Variants in C1orf74 observed in about 807,000 individuals in gnomAD.
The protein encoded by C1orf74 is chromosome 1 open reading frame 74, also known as UPF0739 protein C1orf74.
Under a neutral mutation model 7.3 loss-of-function variants are expected in C1orf74, and 5 were observed. The ratio of observed to expected loss-of-function variants is 0.68; its 90% CI spans 0.36 to 1.44. The LOEUF (loss-of-function observed/expected upper bound fraction) is 1.44, where lower values mean the gene tolerates loss of function less well. C1orf74 is among the 40% of genes most tolerant of loss of function. The pLI is 0.04. For missense variants in C1orf74, 291 were observed against 314.3 expected (o/e 0.93, Z 0.56); for synonymous variants, 121 against 132.5 (o/e 0.91, Z 0.59).
Position 209,782,932 on chromosome 1 carries a change from G to C in C1orf74, c.703C>G (p.Leu235Val). 2 of 1,614,176 alleles carry C rather than the reference G, an allele frequency of 1.2e-6. No homozygotes were observed. The highest frequency in any genetic ancestry group is 1.7e-6 in the Non-Finnish European group (2 of 1,180,022). The change falls in exon 2 of 2, where the codon CTA becomes GTA. Residue 235 changes from leucine to valine, a missense_variant. Physicochemically the swap from Leu to Val is conservative, Grantham distance 32 (BLOSUM62 1). Coordinates refer to ENST00000294811, the MANE Select transcript of C1orf74 (RefSeq NM_152485.4). Reference protein sequence around the residue: ...ESLFPGLRDILNTWEKDLRTR... With the variant: ...ESLFPGLRDIVNTWEKDLRTR... Reference sequence around the variant, plus strand: ...CTGAGGTCCTTCTCCCAGGTGTTTAGAATGTCCCTCAGGCCTGGGAACAAA... The same window carrying C: ...CTGAGGTCCTTCTCCCAGGTGTTTACAATGTCCCTCAGGCCTGGGAACAAA...
At position 209,780,567 on chromosome 1, in the gene C1orf74, G is replaced by A; in HGVS notation, c.*2258C>T. ...AAGACTGGGATCTCAGAGACCAGCT[G>A]CAAAAGAAGACTTTGCAGCTCCAGG... On this transcript the variant is annotated 3_prime_UTR_variant, in exon 2 of 2. Transcript: ENST00000294811. 6.2e-7 allele frequency: 1 copy of A among 1,600,130 alleles called. No individual in the cohort carries two copies. The highest frequency in any genetic ancestry group is 8.5e-7 in the Non-Finnish European group (1 of 1,172,492).
rs1175442009 is a variant in C1orf74, at chr1:209,782,210, A to G, written c.*615T>C. On this transcript the variant is annotated 3_prime_UTR_variant, in exon 2 of 2. Transcript: ENST00000294811. The stretch of plus-strand genomic sequence containing the variant: ...GCAAGCAACTCAGCGAAAAACTCAG[A>G]AGGTTTGGGTACATTACAGCTTGGG... The G allele has an allele frequency of 2.2e-6, 3 of 1,369,584 alleles. No homozygotes were observed. The African/African-American group carries it at 4.3e-5, about 19-fold the overall frequency. The allele number at this position is 1,369,584 out of a possible 1,614,324, so 84.8% of individuals were successfully genotyped here. A position where few individuals can be genotyped will look rare whatever the true frequency, so the allele number is the denominator to read the frequency against.
chr1:209,781,771 CAAAG>C lies in C1orf74; in HGVS notation c.*1050_*1053del. ...AAGGACACAAAAGTACTGGGGAATACAAAGAAAGAATATAATTTTGCTGGGTTAT... is the reference window on the plus strand; with the variant it reads ...AAGGACACAAAAGTACTGGGGAATACAAAGAATATAATTTTGCTGGGTTAT... On this transcript the variant is annotated 3_prime_UTR_variant, in exon 2 of 2. Transcript: ENST00000294811. 2.0e-6 allele frequency: 1 copy of C among 494,498 alleles called. No homozygotes were observed. Among genetic ancestry groups the C allele is most frequent in the East Asian group, 3.5e-5 (1 of 28,536 alleles). 30.6% of individuals were successfully genotyped at this position (494,498 alleles called of 1,614,324 possible). A position where few individuals can be genotyped will look rare whatever the true frequency, so the allele number is the denominator to read the frequency against.
In C1orf74 at chr1:209,780,780, C is replaced by A. The variant is rs1267161173; in HGVS notation, c.*2045G>T. Reference sequence around the variant, plus strand: ...GGCTGACTTGTCAATCTTTTCCCTTCCTTATTTATACCAACTCCTATTCAA... The same window carrying A: ...GGCTGACTTGTCAATCTTTTCCCTTACTTATTTATACCAACTCCTATTCAA... On this transcript the variant is annotated 3_prime_UTR_variant, in exon 2 of 2. Coordinates refer to ENST00000294811, the MANE Select transcript of C1orf74 (RefSeq NM_152485.4). 4.2e-6 allele frequency: 2 copies of A among 481,650 alleles called. No individual in the cohort carries two copies. Among genetic ancestry groups the A allele is most frequent in the African/African-American group, 2.0e-5 (1 of 49,812 alleles). The allele number at this position is 481,650 out of a possible 1,614,324, so 29.8% of individuals were successfully genotyped here.
In C1orf74 at chr1:209,782,805, A is replaced by G. The variant is rs778281874; in HGVS notation, c.*20T>C. 12 of 1,607,280 alleles carry G rather than the reference A, an allele frequency of 7.5e-6. No individual in the cohort carries two copies. The highest frequency in any genetic ancestry group is 1.0e-5 in the Non-Finnish European group (12 of 1,175,334). ...GATGATCATTTACTGAGTACCTTCT[A>G]TATGGGAGGAGAGTTAAAGTCAGAG... On this transcript the variant is annotated 3_prime_UTR_variant, in exon 2 of 2. Transcript: ENST00000294811.
rs1470581004 is a variant in C1orf74 at position 209,782,068 on chromosome 1, C to T, written c.*757G>A. On this transcript the variant is annotated 3_prime_UTR_variant, in exon 2 of 2. Transcript: ENST00000294811. ...TGTCCCCCTACAGAGGCAATGTGGG[C>T]GATGGCTCCCAGTGCTGATGGTGGT... 2.5e-6 allele frequency: 4 copies of T among 1,614,018 alleles called. No individual in the cohort carries two copies. Among genetic ancestry groups the T allele is most frequent in the East Asian group, 2.2e-5 (1 of 44,884 alleles).
rs769459706 is a variant in C1orf74 at position 209,782,777 on chromosome 1, A to G, written c.*48T>C. 3 of 1,553,798 alleles carry G rather than the reference A, an allele frequency of 1.9e-6. No individual in the cohort carries two copies. The highest frequency in any genetic ancestry group is 2.6e-6 in the Non-Finnish European group (3 of 1,135,980). On this transcript the variant is annotated 3_prime_UTR_variant, in exon 2 of 2. Transcript: ENST00000294811. ...GATGATTATTTGCCATCCCCAACCT[A>G]GAGATGATCATTTACTGAGTACCTT... is the stretch of plus-strand genomic sequence containing the variant.
At position 209,780,837 on chromosome 1, in the gene C1orf74, C is replaced by T. The variant is rs1402907154; in HGVS notation, c.*1988G>A. 4 of 299,120 alleles carry T rather than the reference C, an allele frequency of 1.3e-5. No homozygotes were observed. Among genetic ancestry groups the T allele is most frequent in the Non-Finnish European group, 2.4e-5 (4 of 164,652 alleles). The allele number at this position is 299,120 out of a possible 1,614,324, so 18.5% of individuals were successfully genotyped here. A position where few individuals can be genotyped will look rare whatever the true frequency, so the allele number is the denominator to read the frequency against. On this transcript the variant is annotated 3_prime_UTR_variant, in exon 2 of 2. Transcript: ENST00000294811. ...ATTAAATGATTACCTTTTAGAAAGT[C>T]GACCAAAACTCAAACACATTTAATA...
rs1407074686 is a variant in C1orf74 at position 209,783,313 on chromosome 1, G to A, written c.322C>T (p.Leu108=). 1.9e-6 allele frequency: 3 copies of A among 1,614,158 alleles called. No individual in the cohort carries two copies. Among genetic ancestry groups the A allele is most frequent in the East Asian group, 2.2e-5 (1 of 44,880 alleles). The change falls in exon 2 of 2, where the codon CTG becomes TTG. Residue 108 remains leucine, a synonymous_variant. Coordinates refer to ENST00000294811, the MANE Select transcript of C1orf74 (RefSeq NM_152485.4). The part of the protein sequence containing the change: ...EHVCQHLEQV[L]LGTIAFVDVS... Reference sequence around the variant, plus strand: ...TCCACAAAGGCTATGGTACCAAGCAGCACCTGCTCCAAGTGCTGACATACA... The same window carrying A: ...TCCACAAAGGCTATGGTACCAAGCAACACCTGCTCCAAGTGCTGACATACA...
Position 209,783,273 on chromosome 1 carries a change from T to G in C1orf74, c.362A>C (p.Gln121Pro). 1 of 1,614,190 alleles carries G rather than the reference T, an allele frequency of 6.2e-7. No homozygotes were observed. Among genetic ancestry groups the G allele is most frequent in the Non-Finnish European group, 8.5e-7 (1 of 1,180,028 alleles). The part of the protein sequence containing the change: ...TIAFVDVSSC[Q>P]RHPSVCSLDQ... ...CAGGGAGCAGACAGAAGGGTGACGC[T>G]GGCAGCTGGAAACATCCACAAAGGC... The change falls in exon 2 of 2, where the codon CAG (glutamine) becomes CCG (proline). Residue 121 changes from glutamine (Q) to proline (P), a missense_variant. Transcript: ENST00000294811.
In C1orf74 at chr1:209,781,689, A is replaced by G; in HGVS notation, c.*1136T>C. 2.0e-6 allele frequency: 1 copy of G among 501,568 alleles called. No homozygotes were observed. Among genetic ancestry groups the G allele is most frequent in the Admixed American group, 3.5e-5 (1 of 28,798 alleles). 31.1% of individuals were successfully genotyped at this position (501,568 alleles called of 1,614,324 possible). On this transcript the variant is annotated 3_prime_UTR_variant, in exon 2 of 2. Coordinates refer to ENST00000294811, the MANE Select transcript of C1orf74 (RefSeq NM_152485.4). ...ATGCCAGAAGGAAAGACTTACTCTT[A>G]GCTAAAGTATGAAAGGGTGTTCTTT...
rs151244953 is a variant in C1orf74, at chr1:209,781,225, G to A, written c.*1600C>T. On this transcript the variant is annotated 3_prime_UTR_variant, in exon 2 of 2. Transcript: ENST00000294811. ...CAAACTCAAATCCCTGAGAATGGCT[G>A]GGAAGGGAAGATGGTGGTAAAAATT... 4,402 of 617,182 alleles carry A rather than the reference G, an allele frequency of 7.1e-3. 27 individuals are homozygous for A. Among genetic ancestry groups the A allele is most frequent in the Middle Eastern group, 0.014 (44 of 3,198 alleles). 38.2% of individuals were successfully genotyped at this position (617,182 alleles called of 1,614,324 possible). A position where few individuals can be genotyped will look rare whatever the true frequency, so the allele number is the denominator to read the frequency against.
At chr1:209,784,041 C>G (rs1482447691) in intron 1 of C1orf74, among the ~76,000 whole-genome samples, 2 of 152,146 alleles carry the variant, frequency 1.3e-5, no homozygotes, top group Non-Finnish European at 2.9e-5. Flanking sequence ...GCATTTCGCC[C>G]AAAAGCCCTT....
rs1216582603 is a variant in C1orf74 at position 209,782,626 on chromosome 1, T to C, written c.*199A>G. On this transcript the variant is annotated 3_prime_UTR_variant, in exon 2 of 2. Transcript: ENST00000294811. ...GACTTCCTAGTATAGAAATGGCAAG[T>C]ATGTACTATCTACCAATTTGCTACT... 2 of 609,490 alleles carry C rather than the reference T, an allele frequency of 3.3e-6. No homozygotes were observed. Among genetic ancestry groups the C allele is most frequent in the East Asian group, 2.8e-5 (1 of 36,342 alleles). The allele number at this position is 609,490 out of a possible 1,614,324, so 37.8% of individuals were successfully genotyped here.
In C1orf74 at chr1:209,779,772, T is replaced by C. The variant is rs189476652; in HGVS notation, c.*3053A>G. On this transcript the variant is annotated 3_prime_UTR_variant, in exon 2 of 2. Transcript: ENST00000294811. ...TTAGCCCTAGAGAGTCTACTGTCCA[T>C]GTTTCCTGAGAATTCACTGTGTATA... 5.0e-3 allele frequency: 2,489 copies of C among 493,720 alleles called. 152 individuals are homozygous for C. The Admixed American group carries it at 0.087, about 17-fold the overall frequency. The allele number at this position is 493,720 out of a possible 1,614,324, so 30.6% of individuals were successfully genotyped here. A position where few individuals can be genotyped will look rare whatever the true frequency, so the allele number is the denominator to read the frequency against.
Position 209,783,419 on chromosome 1 carries a change from C to G in C1orf74, c.216G>C (p.Glu72Asp). The change falls in exon 2 of 2, where the codon GAG becomes GAC. Residue 72 changes from glutamate (E) to aspartate (D), a missense_variant. Coordinates refer to ENST00000294811, the MANE Select transcript of C1orf74 (RefSeq NM_152485.4). ...AAGTCAGGAAGCCAAGCCCCTTCAG[C>G]TCCTCCAGATAGCTCTGGAGCTCTG... ...GASELQSYLE[E>D]LKGLGFLTFG... The G allele has an allele frequency of 6.2e-7, 1 of 1,614,202 alleles. No individual in the cohort carries two copies. Among genetic ancestry groups the G allele is most frequent in the Middle Eastern group, 1.6e-4 (1 of 6,062 alleles).
Position 209,779,481 on chromosome 1 carries a change from A to G in C1orf74, c.*3344T>C. On this transcript the variant is annotated 3_prime_UTR_variant, in exon 2 of 2. Coordinates refer to ENST00000294811, the MANE Select transcript of C1orf74 (RefSeq NM_152485.4). ...TCCTGGAGTCCCAGCCAGTTCTGGG[A>G]GTCTGTTAAGTCCGGGATGTGTGGG... is the stretch of plus-strand genomic sequence containing the variant. The G allele has an allele frequency of 1.1e-6, 1 of 927,552 alleles. No individual in the cohort carries two copies. The highest frequency in any genetic ancestry group is 1.8e-6 in the Non-Finnish European group (1 of 567,266). 57.5% of individuals were successfully genotyped at this position (927,552 alleles called of 1,614,324 possible).
Position 209,779,263 on chromosome 1 carries a change from C to CT in C1orf74, c.*3561dup, listed in dbSNP as rs1482066567. On this transcript the variant is annotated 3_prime_UTR_variant, in exon 2 of 2. Coordinates refer to ENST00000294811, the MANE Select transcript of C1orf74 (RefSeq NM_152485.4). Reference sequence around the variant, plus strand: ...TCTAAGCAAAGTTCTGAAAAGAAAACTTTTTGTAGTAAATATGCTAGCATA... The same window carrying CT: ...TCTAAGCAAAGTTCTGAAAAGAAAACTTTTTTGTAGTAAATATGCTAGCATA... The CT allele has an allele frequency of 5.9e-6, 9 of 1,535,428 alleles. No individual in the cohort carries two copies. In the Admixed American group the frequency reaches 1.4e-4, roughly 24 times the overall value.
In C1orf74 at chr1:209,783,568, G is replaced by A. The variant is rs1285368166; in HGVS notation, c.67C>T (p.Leu23Phe). Residue 23 changes from leucine to phenylalanine, a missense_variant, in exon 2 of 2, where the codon CTT becomes TTT. Transcript: ENST00000294811. ...QLLVAAAQQT[L>F]GMGKRRSPPQ... ...GGACTCCGTCTCTTTCCCATGCCAAGGGTCTGCTGAGCAGCTGCCACCAGC... is the reference window on the plus strand; with the variant it reads ...GGACTCCGTCTCTTTCCCATGCCAAAGGTCTGCTGAGCAGCTGCCACCAGC... 2 of 1,613,694 alleles carry A rather than the reference G, an allele frequency of 1.2e-6. No individual in the cohort carries two copies. Among genetic ancestry groups the A allele is most frequent in the African/African-American group, 2.7e-5 (2 of 74,892 alleles).
Sources: allele counts gnomAD v4.1 joint callset (sites outside exome capture counted in the v4.1 genomes callset), GRCh38; gene constraint gnomAD v4.1.1; transcripts MANE v1.5; gene names NCBI Gene and HGNC (gene_info 2026-07-23, HGNC 2026-07-21).